Variants in RADIL observed in about 807,000 individuals in gnomAD.
RADIL encodes ras-associating and dilute domain-containing protein.
Under a neutral mutation model 97.6 loss-of-function variants are expected in RADIL, and 99 were observed. The ratio of observed to expected loss-of-function variants is 1.01; its 90% CI spans 0.86 to 1.20. The LOEUF is 1.20. Ranked by LOEUF, RADIL falls within the 50% of genes most tolerant of loss-of-function variation. The pLI, the probability that RADIL is intolerant of heterozygous loss-of-function variation, is 0.00. For synonymous variants in RADIL, 803 were observed against 691.8 expected, an observed-to-expected ratio of 1.16 and a Z score of -2.52; for missense variants, 1,765 against 1,498.9, an observed-to-expected ratio of 1.18 and a Z score of -2.93.
intron 2 of RADIL, chr7:4,859,363 A>G (rs1783914532): frequency 6.5e-6 from 1 of 153,694 alleles, no homozygotes; most frequent in African/African-American, 2.4e-5. Context: ...TGCATCAAGC[A>G]TAAATCCAGT....
At chr7:4,827,472 T>C (rs185588742) in intron 5 of RADIL, among the ~76,000 whole-genome samples, 6 of 150,304 alleles carry the variant, frequency 4.0e-5, no homozygotes, top group African/African-American at 4.9e-5. Context: ...CCATCCTGGC[T>C]AACACAGTGA....
intron 2 of RADIL, among the ~76,000 whole-genome samples, chr7:4,856,840 T>C (rs750013122): frequency 2.0e-5 from 3 of 152,356 alleles, no homozygotes; most frequent in Non-Finnish European, 4.4e-5. Context: ...CAATGGCTGA[T>C]AGGGATGGGT....
Position 4,880,183 on chromosome 7 carries a change from T to C in RADIL, c.-64-1980A>G, listed in dbSNP as rs1231474248. Among the ~76,000 whole-genome samples the C allele has an allele frequency of 6.6e-6, 1 of 152,096 alleles. No homozygotes were observed. Among genetic ancestry groups the C allele is most frequent in the African/African-American group, 2.4e-5 (1 of 41,414 alleles). On this transcript the variant is annotated intron_variant, in intron 1 of 14. Transcript: ENST00000399583. This position sits in a 1 kb window ranked among gnomAD's most constrained non-coding sequence, Gnocchi z 4.5. ...GTACAGGTCATAAGCAGATGGAGCC[T>C]TGAGGTTCCATCGAGCCAGGCCATA...
rs1782623783 is a variant in RADIL, at chr7:4,814,449, C to G, written c.2139+829G>C. Among the ~76,000 whole-genome samples the G allele has an allele frequency of 6.6e-6, 1 of 152,092 alleles. No individual in the cohort carries two copies. Among genetic ancestry groups the G allele is most frequent in the African/African-American group, 2.4e-5 (1 of 41,392 alleles). On this transcript the variant is annotated intron_variant, in intron 9 of 14. Coordinates refer to ENST00000399583, the MANE Select transcript of RADIL (RefSeq NM_018059.5). The surrounding 1 kb of genome is among the most constrained non-coding windows in gnomAD (Gnocchi z 4.5). ...TTCGCCCTGTGGCCACTGTCACCAT[C>G]ACAGTACAGCATGTTCAGCGTTTTC...
chr7:4,829,591 A>G (rs1478204670), intron 5 of RADIL, among the ~76,000 whole-genome samples: 4 of 152,098 alleles, frequency 2.6e-5, no homozygotes, highest in Non-Finnish European at 5.9e-5. Flanking sequence ...CTGTGTCTCA[A>G]CCCAAATTTC....
chr7:4,838,990 T>A (rs979222184), intron 2 of RADIL, among the ~76,000 whole-genome samples: 9 of 152,188 alleles, frequency 5.9e-5, no homozygotes, highest in African/African-American at 2.2e-4. Flanking sequence ...ACCGCTTGAG[T>A]TAGCAAAGCC....
chr7:4,871,377 G>A (rs1165338047), intron 2 of RADIL, among the ~76,000 whole-genome samples: 1 of 152,268 alleles, frequency 6.6e-6, no homozygotes. Context: ...CCCGTCGGCA[G>A]AGGAAGGCAG....
intron 2 of RADIL, among the ~76,000 whole-genome samples, chr7:4,847,756 A>C (rs1783609301): frequency 6.6e-6 from 1 of 150,546 alleles, no homozygotes; most frequent in African/African-American, 2.4e-5. Flanking sequence ...AAAAAAAAAA[A>C]AAAAAAAAAA....
Position 4,808,655 on chromosome 7 carries a change from C to A in RADIL, c.2140-2939G>T, listed in dbSNP as rs954938306. 9 of 951,712 alleles carry A rather than the reference C, an allele frequency of 9.5e-6. No homozygotes were observed. The African/African-American group carries it at 1.6e-4, about 17-fold the overall frequency. The allele number at this position is 951,712 out of a possible 1,614,324, so 59.0% of individuals were successfully genotyped here. A position where few individuals can be genotyped will look rare whatever the true frequency, so the allele number is the denominator to read the frequency against. On this transcript the variant is annotated intron_variant, in intron 9 of 14. Coordinates refer to ENST00000399583, the MANE Select transcript of RADIL (RefSeq NM_018059.5). ...GGTCTCTCCTTCCAACGCCACTGCC[C>A]CTCCGCGTCCCCTTCCGACGCCACT... is the stretch of plus-strand genomic sequence containing the variant.
chr7:4,877,696 T>C lies in RADIL; in HGVS notation c.444A>G (p.Lys148=). 6.2e-7 allele frequency: 1 copy of C among 1,614,056 alleles called. No individual in the cohort carries two copies. The highest frequency in any genetic ancestry group is 8.5e-7 in the Non-Finnish European group (1 of 1,179,988). ...EKPLLIQELW[K]PREGLSRRFE... is the part of the protein sequence containing the mutation. ...ACCTCCGGGATAAACCTTCTCGGGG[T>C]TTCCATAATTCCTGGATCAAGAGGG... The change falls in exon 2 of 15, where the codon AAA becomes AAG. Residue 148 remains lysine, a synonymous_variant. Coordinates refer to ENST00000399583, the MANE Select transcript of RADIL (RefSeq NM_018059.5).
At position 4,847,994 on chromosome 7, in the gene RADIL, G is replaced by A. The variant is rs549190053; in HGVS notation, c.536-11389C>T. ...GCGGATCGCTTGAGCTCAGGAGTTC[G>A]AGACCAGCCTGGGTGACATGGTGAA... On this transcript the variant is annotated intron_variant, in intron 2 of 14. Transcript: ENST00000399583. Among the ~76,000 whole-genome samples the A allele has an allele frequency of 2.6e-5, 4 of 152,200 alleles. No homozygotes were observed. In the South Asian group the frequency reaches 6.2e-4, roughly 24 times the overall value.
intron 5 of RADIL, among the ~76,000 whole-genome samples, chr7:4,827,822 A>G (rs1783039756): frequency 6.6e-6 from 1 of 152,136 alleles, no homozygotes; most frequent in South Asian, 2.1e-4. Context: ...TGATCTGGAG[A>G]ACTAAGAAAC....
chr7:4,807,421 T>C (rs377544144), intron 9 of RADIL, among the ~76,000 whole-genome samples: 22 of 151,916 alleles, frequency 1.4e-4, no homozygotes, highest in South Asian at 6.2e-4. Context: ...GGACCAGAGG[T>C]CGGGGCCAAG....
At chr7:4,832,035 T>C (rs1783157222) in intron 5 of RADIL, 106 bp downstream of exon 5, 1 of 1,204,642 alleles carries the variant, frequency 8.3e-7, no homozygotes, top group Non-Finnish European at 1.2e-6. Flanking sequence ...AGCCCAGAGC[T>C]GACCCCAAGG....
chr7:4,861,352 T>C, intron 2 of RADIL: 5 of 1,614,110 alleles, frequency 3.1e-6, no homozygotes, highest in Non-Finnish European at 4.2e-6. Context: ...CTGGCACAAA[T>C]GCCTCCTCGA....
chr7:4,862,883 G>A (rs1368005980), intron 2 of RADIL, among the ~76,000 whole-genome samples: 2 of 148,422 alleles, frequency 1.3e-5, no homozygotes, highest in Non-Finnish European at 3.0e-5. Flanking sequence ...GGCAACAAGA[G>A]TGAAACTCTG....
chr7:4,860,075 T>C lies in RADIL; in HGVS notation c.535+17530A>G, dbSNP rs150052347. On this transcript the variant is annotated intron_variant, in intron 2 of 14. Transcript: ENST00000399583. ...CCCTGAACTTTCATTGGTATTCACCTGTTGCAAGGAAAATTCAGTAGCCTG... is the reference window on the plus strand; with the variant it reads ...CCCTGAACTTTCATTGGTATTCACCCGTTGCAAGGAAAATTCAGTAGCCTG... 3.1e-6 allele frequency: 5 copies of C among 1,614,050 alleles called. No individual in the cohort carries two copies. In the East Asian group the frequency reaches 8.9e-5, roughly 29 times the overall value.
chr7:4,864,967 A>G (rs1784096982), intron 2 of RADIL, among the ~76,000 whole-genome samples: 1 of 152,182 alleles, frequency 6.6e-6, no homozygotes, highest in Non-Finnish European at 1.5e-5. Flanking sequence ...TTCCCCAACT[A>G]TCTGTCTAGC....
At chr7:4,845,707 G>A (rs1446197201) in intron 2 of RADIL, among the ~76,000 whole-genome samples, 2 of 152,174 alleles carry the variant, frequency 1.3e-5, no homozygotes, top group African/African-American at 4.8e-5. Context: ...TTTCCATGAT[G>A]AAACTTGGAC....
Sources: gnomAD v4.1 joint callset for allele counts (sites outside exome capture counted in the v4.1 genomes callset) on GRCh38, gnomAD v4.1.1 for gene constraint, Gnocchi (gnomAD v3.1) non-coding constraint, MANE v1.5 for transcripts, NCBI Gene and HGNC (gene_info 2026-07-23, HGNC 2026-07-21) for gene names.